Variants in C10orf53 observed in about 807,000 individuals in gnomAD.
The protein encoded by C10orf53 is chromosome 10 open reading frame 53, also known as UPF0728 protein C10orf53.
In C10orf53, 8 loss-of-function variants were observed where a neutral mutation model predicts 9.4. The observed-to-expected ratio is 0.85, with a 90% CI of 0.50 to 1.53. C10orf53 has a LOEUF of 1.53. Among genes scored for constraint, C10orf53 ranks in the 40% most tolerant of loss-of-function variants. The pLI is 0.00. For missense variants in C10orf53, 117 were observed against 117.8 expected (o/e 0.99, Z 0.03); for synonymous variants, 48 against 46.0 (o/e 1.04, Z -0.18).
downstream of C10orf53, among the ~76,000 whole-genome samples, chr10:49,702,012 G>T (rs1489896559): frequency 6.6e-6 from 1 of 152,044 alleles, no homozygotes; most frequent in East Asian, 1.9e-4. Context: ...GATCAGCCTG[G>T]CTAACATGGT....
chr10:49,693,699 C>A (rs866371454), intron 1 of C10orf53, 75 bp from the exon 2 acceptor site: 117 of 1,506,564 alleles, frequency 7.8e-5, no homozygotes, highest in Non-Finnish European at 1.0e-4. Context: ...CTACTGTCAT[C>A]ATGAGGACTG....
At chr10:49,698,791 G>T (rs1840657537), downstream of C10orf53, among the ~76,000 whole-genome samples, 1 of 152,126 alleles carries the variant, frequency 6.6e-6, no homozygotes, top group Non-Finnish European at 1.5e-5. Flanking sequence ...TCATAGGACG[G>T]GGCACTGCAC....
At chr10:49,702,225 AAGGGAGGG>A (rs756785421), downstream of C10orf53, among the ~76,000 whole-genome samples, 30 of 75,384 alleles carry the variant, frequency 4.0e-4, no homozygotes, top group Middle Eastern at 6.5e-3. Flanking sequence ...GGAAGGAAGG[AAGGGAGGG>A]AGGGAGGGAG....
chr10:49,683,097 G>A (rs563006915), intron 1 of C10orf53, among the ~76,000 whole-genome samples: 1 of 152,260 alleles, frequency 6.6e-6, no homozygotes, highest in African/African-American at 2.4e-5. Context: ...TGAGTCATAT[G>A]GTAATTCTAT....
At chr10:49,699,216 A>G (rs1216630764), downstream of C10orf53, among the ~76,000 whole-genome samples, 7 of 3,196 alleles carry the variant, frequency 2.2e-3, no homozygotes, top group Non-Finnish European at 6.9e-3. Flanking sequence ...TTTTTTTTTG[A>G]CAAGGCCTTG....
intron 2 of C10orf53, among the ~76,000 whole-genome samples, chr10:49,707,876 G>GA (rs376662552): frequency 2.0e-3 from 280 of 142,562 alleles, no homozygotes; most frequent in East Asian, 3.9e-3. Context: ...CCTTAGAAAT[G>GA]AAAAAAAAAA....
chr10:49,688,487 C>A (rs1840550537), intron 1 of C10orf53, among the ~76,000 whole-genome samples: 2 of 152,174 alleles, frequency 1.3e-5, no homozygotes, highest in South Asian at 4.2e-4. Context: ...ACACAGCCAG[C>A]TGATACCGGT....
intron 2 of C10orf53, 23 bp from the exon 3 acceptor site, chr10:49,694,515 G>T (rs748079329): frequency 2.5e-6 from 4 of 1,613,864 alleles, no homozygotes; most frequent in Non-Finnish European, 3.4e-6. Flanking sequence ...CTAACCAAAA[G>T]ACAATTATAT....
chr10:49,707,567 C>G (rs1405124132), intron 2 of C10orf53, among the ~76,000 whole-genome samples: 1 of 152,174 alleles, frequency 6.6e-6, no homozygotes, highest in Non-Finnish European at 1.5e-5. Flanking sequence ...TGATCGAGCT[C>G]CAAGACTTGA....
At chr10:49,702,538 G>A (rs1590648694) in intron 2 of C10orf53, among the ~76,000 whole-genome samples, 1 of 152,154 alleles carries the variant, frequency 6.6e-6, no homozygotes, top group Non-Finnish European at 1.5e-5. Context: ...CTCAAGCCGG[G>A]ATGTTGATCT....
At chr10:49,698,905 G>C (rs1386630185), downstream of C10orf53, among the ~76,000 whole-genome samples, 1 of 152,160 alleles carries the variant, frequency 6.6e-6, no homozygotes, top group African/African-American at 2.4e-5. Context: ...GGTGGACAGC[G>C]TAGTGAGTGC....
At chr10:49,684,987 A>T (rs990453390) in intron 1 of C10orf53, among the ~76,000 whole-genome samples, 3 of 152,224 alleles carry the variant, frequency 2.0e-5, no homozygotes, top group Admixed American at 1.3e-4. Flanking sequence ...GCCTTAAGAG[A>T]ACAAACATTG....
At chr10:49,708,331 T>A (rs1338424131) in intron 2 of C10orf53, 1 of 1,607,780 alleles carries the variant, frequency 6.2e-7, no homozygotes, top group Non-Finnish European at 8.5e-7. Flanking sequence ...CTCTTGATGC[T>A]GCTTTCTTCT....
At chr10:49,699,237 C>G (rs1379302051), downstream of C10orf53, among the ~76,000 whole-genome samples, 2 of 108,054 alleles carry the variant, frequency 1.9e-5, no homozygotes, top group Admixed American at 1.4e-4. Flanking sequence ...CTCTATTGCC[C>G]AGGCTGGAGT....
intron 2 of C10orf53, among the ~76,000 whole-genome samples, chr10:49,707,141 A>C (rs1056238515): frequency 8.3e-6 from 1 of 120,754 alleles, no homozygotes; most frequent in Non-Finnish European, 1.9e-5. Flanking sequence ...CCTCACATGG[A>C]CCATCTCAGA....
chr10:49,688,776 G>A (rs1472056144), intron 1 of C10orf53, among the ~76,000 whole-genome samples: 1 of 152,164 alleles, frequency 6.6e-6, no homozygotes, highest in African/African-American at 2.4e-5. Flanking sequence ...TTCCTACGTG[G>A]TCTTCAGCTT....
chr10:49,708,701 T>TG, exon 3 of C10orf53: 1 of 1,540,844 alleles, frequency 6.5e-7, no homozygotes, highest in Non-Finnish European at 8.7e-7. Flanking sequence ...GGTGAATAGA[T>TG]GCTGAGTCCC....
chr10:49,694,501 A>C, intron 2 of C10orf53, 37 bp from the exon 3 acceptor site: 1 of 1,613,370 alleles, frequency 6.2e-7, no homozygotes, highest in African/African-American at 1.3e-5. Context: ...AATTGTATAT[A>C]AAGCTAACCA....
chr10:49,706,303 T>C (rs1840721875), intron 2 of C10orf53, among the ~76,000 whole-genome samples: 1 of 152,326 alleles, frequency 6.6e-6, no homozygotes, highest in African/African-American at 2.4e-5. Context: ...TATAGCAGCA[T>C]TTATTGATAG....
Sources: gnomAD v4.1 joint callset for allele counts (sites outside exome capture counted in the v4.1 genomes callset) on GRCh38, gnomAD v4.1.1 for gene constraint, MANE v1.5 for transcripts, NCBI Gene and HGNC (gene_info 2026-07-23, HGNC 2026-07-21) for gene names.